The following CDC42EP2 variants were observed in gnomAD, a reference collection of about 807,000 sequenced individuals.
The protein encoded by CDC42EP2 is CDC42 effector protein (Rho GTPase binding) 2.
Under a neutral mutation model 7.3 loss-of-function variants are expected in CDC42EP2, and 5 were observed. The ratio of observed to expected loss-of-function variants is 0.68; its 90% confidence interval spans 0.36 to 1.44. The LOEUF is 1.44. CDC42EP2 is among the 40% of genes most tolerant of loss of function. CDC42EP2 has a pLI of 0.04. For missense variants in CDC42EP2, 251 were observed against 282.6 expected (o/e 0.89, Z 0.80); for synonymous variants, 113 against 123.6 (o/e 0.91, Z 0.57).
In CDC42EP2 at chr11:65,321,450, C is replaced by T. The variant is rs1489153265; in HGVS notation, c.552C>T (p.His184=). Residue 184 remains histidine, a synonymous_variant, in exon 2 of 2, where the codon CAC becomes CAT. Transcript: ENST00000279249. The surrounding 1 kb of genome is among the most constrained non-coding windows in gnomAD (Gnocchi z 4.4). ...ATGCCAGCTCCCTGCTGTCCCTGCA[C>T]GTGGACCTGGGGCCTTCCATCCTGG... The part of the protein sequence containing the change: ...LSNASSLLSL[H]VDLGPSILDD... 3.1e-6 allele frequency: 5 copies of T among 1,613,710 alleles called. No individual in the cohort carries two copies. The highest frequency in any genetic ancestry group is 2.2e-5 in the South Asian group (2 of 91,090).
rs954742207 is a variant in CDC42EP2 at position 65,315,927 on chromosome 11, C to G, written c.-356+973C>G. ...GCACTGGCCCCGGAGAATCGAAGTG[C>G]TTGAGGAAGGAAGGCCTTGTAGATA... is the stretch of plus-strand genomic sequence containing the variant. On this transcript the variant is annotated intron_variant, in intron 1 of 1. Transcript: ENST00000279249. This position sits in a 1 kb window ranked among gnomAD's most constrained non-coding sequence, Gnocchi z 4.1. Among the ~76,000 whole-genome samples the G allele has an allele frequency of 1.3e-5, 2 of 152,210 alleles. No homozygotes were observed. Among genetic ancestry groups the G allele is most frequent in the African/African-American group, 4.8e-5 (2 of 41,452 alleles).
Position 65,320,799 on chromosome 11 carries a change from C to G in CDC42EP2, c.-100C>G. On this transcript the variant is annotated 5_prime_UTR_variant, in exon 2 of 2. Coordinates refer to ENST00000279249, the MANE Select transcript of CDC42EP2 (RefSeq NM_006779.4). The stretch of plus-strand genomic sequence containing the variant: ...GCGAGCTCTGGCACCTGCAAACCAC[C>G]CCGTGGAACGAGTGTTTCCTCTGGC... 7.5e-7 allele frequency: 1 copy of G among 1,333,252 alleles called. No individual in the cohort carries two copies. The allele number at this position is 1,333,252 out of a possible 1,614,324, so 82.6% of individuals were successfully genotyped here.
In CDC42EP2 at chr11:65,320,840, A is replaced by G; in HGVS notation, c.-59A>G. ...TTCCTCTGGCTGAGGGTTGGAGAGGAGGTGTGGTCTCAGCAGGCGGCCCGT... is the reference window on the plus strand; with the variant it reads ...TTCCTCTGGCTGAGGGTTGGAGAGGGGGTGTGGTCTCAGCAGGCGGCCCGT... On this transcript the variant is annotated 5_prime_UTR_variant, in exon 2 of 2. Transcript: ENST00000279249. 1.3e-6 allele frequency: 2 copies of G among 1,523,364 alleles called. No homozygotes were observed. Among genetic ancestry groups the G allele is most frequent in the East Asian group, 2.3e-5 (1 of 43,726 alleles). The allele number at this position is 1,523,364 out of a possible 1,614,324, so 94.4% of individuals were successfully genotyped here. A position where few individuals can be genotyped will look rare whatever the true frequency, so the allele number is the denominator to read the frequency against.
chr11:65,320,924 T>C lies in CDC42EP2; in HGVS notation c.26T>C (p.Leu9Pro). MSTKVPIY[L>P]KRGSRKGKKE... ...ATGTCCACCAAGGTGCCCATCTATC[T>C]GAAGCGTGGCAGTCGCAAGGGCAAG... The change falls in exon 2 of 2, where the codon CTG becomes CCG. Residue 9 changes from leucine to proline, a missense_variant. Leu to Pro is a moderately conservative substitution (Grantham distance 98, BLOSUM62 -3). Coordinates refer to ENST00000279249, the MANE Select transcript of CDC42EP2 (RefSeq NM_006779.4). The C allele has an allele frequency of 6.2e-7, 1 of 1,607,904 alleles. No homozygotes were observed. The highest frequency in any genetic ancestry group is 8.5e-7 in the Non-Finnish European group (1 of 1,175,170).
chr11:65,321,162 C>A lies in CDC42EP2; in HGVS notation c.264C>A (p.Thr88=). 1 of 1,614,132 alleles carries A rather than the reference C, an allele frequency of 6.2e-7. No homozygotes were observed. The highest frequency in any genetic ancestry group is 8.5e-7 in the Non-Finnish European group (1 of 1,179,986). Residue 88 remains threonine, a synonymous_variant, in exon 2 of 2, where the codon ACC becomes ACA. Transcript: ENST00000279249. The surrounding 1 kb of genome is among the most constrained non-coding windows in gnomAD (Gnocchi z 4.4). Reference sequence around the variant, plus strand: ...ACCTCCCCTTCCAGTTCACCCGCACCGCCACCGTGTGTGGGCGGGAGCTCC... The same window carrying A: ...ACCTCCCCTTCCAGTTCACCCGCACAGCCACCGTGTGTGGGCGGGAGCTCC... ...TFDLPFQFTR[T]ATVCGRELPD...
chr11:65,321,348 C>T lies in CDC42EP2; in HGVS notation c.450C>T (p.Ile150=), dbSNP rs371387646. 1 of 1,613,954 alleles carries T rather than the reference C, an allele frequency of 6.2e-7. No individual in the cohort carries two copies. The highest frequency in any genetic ancestry group is 1.1e-5 in the South Asian group (1 of 91,086). ...CACAGGAGGGAGGGAGTGTGGACAT[C>T]TGGAGGATTCCAGAGACTGGCTCCC... ...PSPQEGGSVD[I]WRIPETGSPN... The change falls in exon 2 of 2, where the codon ATC becomes ATT. Residue 150 remains isoleucine (I), a synonymous_variant. Transcript: ENST00000279249. The surrounding 1 kb of genome is among the most constrained non-coding windows in gnomAD (Gnocchi z 4.4).
Position 65,321,705 on chromosome 11 carries a change from C to A in CDC42EP2, c.*174C>A. 1 of 644,528 alleles carries A rather than the reference C, an allele frequency of 1.6e-6. No homozygotes were observed. The highest frequency in any genetic ancestry group is 3.0e-5 in the Admixed American group (1 of 33,794). 39.9% of individuals were successfully genotyped at this position (644,528 alleles called of 1,614,324 possible). ...TCCCTCCCTCTCCACGTGGGCAGGG[C>A]AGGCCCCATCGCTTTCCTCTGATAA... On this transcript the variant is annotated 3_prime_UTR_variant, in exon 2 of 2. Transcript: ENST00000279249. The surrounding 1 kb of genome is among the most constrained non-coding windows in gnomAD (Gnocchi z 4.4).
intron 1 of CDC42EP2, among the ~76,000 whole-genome samples, chr11:65,316,760 G>A (rs561450666): frequency 2.0e-5 from 3 of 152,322 alleles, no homozygotes; most frequent in South Asian, 2.1e-4. Context: ...TTCCTGGGGC[G>A]TGAGGGTTGT....
chr11:65,319,613 T>C (rs537781678), intron 1 of CDC42EP2, among the ~76,000 whole-genome samples: 1 of 152,186 alleles, frequency 6.6e-6, no homozygotes, highest in South Asian at 2.1e-4. Flanking sequence ...CCAGAAAGTA[T>C]CCTAGACTCA....
Position 65,315,385 on chromosome 11 carries a change from C to T in CDC42EP2, c.-356+431C>T, listed in dbSNP as rs962026826. On this transcript the variant is annotated intron_variant, in intron 1 of 1. Transcript: ENST00000279249. The surrounding 1 kb of genome is among the most constrained non-coding windows in gnomAD (Gnocchi z 4.1). ...CGCCCGGGTAGGAGTGGGGAGGGGT[C>T]GGCGCAGGAACCCGAGCCGGAGCTA... Among the ~76,000 whole-genome samples the T allele has an allele frequency of 2.6e-5, 4 of 152,116 alleles. No individual in the cohort carries two copies. Among genetic ancestry groups the T allele is most frequent in the Non-Finnish European group, 5.9e-5 (4 of 67,988 alleles).
Position 65,315,530 on chromosome 11 carries a change from T to C in CDC42EP2, c.-356+576T>C, listed in dbSNP as rs538658996. ...CAGGGGGGAGGCTCCTCCCAGAGCT[T>C]GGAGACTAGGGCAGGGTCCCCAATC... On this transcript the variant is annotated intron_variant, in intron 1 of 1. Coordinates refer to ENST00000279249, the MANE Select transcript of CDC42EP2 (RefSeq NM_006779.4). The surrounding 1 kb of genome is among the most constrained non-coding windows in gnomAD (Gnocchi z 4.1). Among the ~76,000 whole-genome samples, 1 of 152,310 alleles carries C rather than the reference T, an allele frequency of 6.6e-6. No homozygotes were observed. The highest frequency in any genetic ancestry group is 1.9e-4 in the East Asian group (1 of 5,182).
chr11:65,321,649 G>C lies in CDC42EP2; in HGVS notation c.*118G>C. ...ATCCCACCTGTATGGTCGCTGGCCAGTGATTCTCCTTCTGAGCCGTGTTTC... is the reference window on the plus strand; with the variant it reads ...ATCCCACCTGTATGGTCGCTGGCCACTGATTCTCCTTCTGAGCCGTGTTTC... On this transcript the variant is annotated 3_prime_UTR_variant, in exon 2 of 2. Transcript: ENST00000279249. The surrounding 1 kb of genome is among the most constrained non-coding windows in gnomAD (Gnocchi z 4.4). 1.1e-6 allele frequency: 1 copy of C among 939,148 alleles called. No individual in the cohort carries two copies. Among genetic ancestry groups the C allele is most frequent in the Non-Finnish European group, 1.6e-6 (1 of 617,194 alleles). The allele number at this position is 939,148 out of a possible 1,614,324, so 58.2% of individuals were successfully genotyped here. A position where few individuals can be genotyped will look rare whatever the true frequency, so the allele number is the denominator to read the frequency against.
chr11:65,321,469 A>G lies in CDC42EP2; in HGVS notation c.571A>G (p.Ile191Val). ...LSLHVDLGPS[I>V]LDDVLQIMDQ... ...CCTGCACGTGGACCTGGGGCCTTCC[A>G]TCCTGGATGATGTCCTGCAGATCAT... Residue 191 changes from isoleucine (I) to valine (V), a missense_variant, in exon 2 of 2, where the codon ATC becomes GTC. Ile to Val is a conservative substitution (Grantham distance 29). Transcript: ENST00000279249. The surrounding 1 kb of genome is among the most constrained non-coding windows in gnomAD (Gnocchi z 4.4). 6.2e-7 allele frequency: 1 copy of G among 1,613,724 alleles called. No individual in the cohort carries two copies. Among genetic ancestry groups the G allele is most frequent in the Non-Finnish European group, 8.5e-7 (1 of 1,179,988 alleles).
chr11:65,321,102 C>T lies in CDC42EP2; in HGVS notation c.204C>T (p.Thr68=). ...GCAAGTTCCACCTCCTGCCGGGGAC[C>T]ATGGTGGAGGGGCCTGAAGAAGATG... ...LQGKFHLLPG[T]MVEGPEEDGT... Residue 68 remains threonine, a synonymous_variant, in exon 2 of 2, where the codon ACC becomes ACT. Transcript: ENST00000279249. The surrounding 1 kb of genome is among the most constrained non-coding windows in gnomAD (Gnocchi z 4.4). 2 of 1,614,156 alleles carry T rather than the reference C, an allele frequency of 1.2e-6. No homozygotes were observed. Among genetic ancestry groups the T allele is most frequent in the Non-Finnish European group, 1.7e-6 (2 of 1,180,006 alleles).
Position 65,320,997 on chromosome 11 carries a change from G to T in CDC42EP2, c.99G>T (p.Pro33=). ...TGTCCTCGGACATGATCAGCCCACCGCTGGGGGACTTCCGCCACACCATTC... is the reference window on the plus strand; with the variant it reads ...TGTCCTCGGACATGATCAGCCCACCTCTGGGGGACTTCCGCCACACCATTC... ...DLLSSDMISP[P]LGDFRHTIHI... is the part of the protein sequence containing the mutation. Residue 33 remains proline (P), a synonymous_variant, in exon 2 of 2, where the codon CCG becomes CCT. Transcript: ENST00000279249. 6.2e-7 allele frequency: 1 copy of T among 1,614,080 alleles called. No individual in the cohort carries two copies. The highest frequency in any genetic ancestry group is 8.5e-7 in the Non-Finnish European group (1 of 1,180,036).
chr11:65,318,223 G>A (rs1299603190), intron 1 of CDC42EP2, among the ~76,000 whole-genome samples: 1 of 151,424 alleles, frequency 6.6e-6, no homozygotes, highest in Non-Finnish European at 1.5e-5. Context: ...AGCCTCCTGA[G>A]TAGTTGGTAT....
At position 65,315,293 on chromosome 11, in the gene CDC42EP2, G is replaced by A. The variant is rs1447304823; in HGVS notation, c.-356+339G>A. ...GGGGGCCGTATTTTTAGCCGATAGT[G>A]AGTTGTTCTCCTATCTTTAGCTGCG... On this transcript the variant is annotated intron_variant, in intron 1 of 1. Coordinates refer to ENST00000279249, the MANE Select transcript of CDC42EP2 (RefSeq NM_006779.4). This position sits in a 1 kb window ranked among gnomAD's most constrained non-coding sequence, Gnocchi z 4.1. 6.6e-6 allele frequency among the ~76,000 whole-genome samples: 1 copy of A among 152,224 alleles called. No individual in the cohort carries two copies. The highest frequency in any genetic ancestry group is 1.5e-5 in the Non-Finnish European group (1 of 68,036).
In CDC42EP2 at chr11:65,321,481, G is replaced by A; in HGVS notation, c.583G>A (p.Val195Ile). 6.2e-7 allele frequency: 1 copy of A among 1,613,746 alleles called. No individual in the cohort carries two copies. Among genetic ancestry groups the A allele is most frequent in the South Asian group, 1.1e-5 (1 of 91,088 alleles). ...VDLGPSILDDVLQIMDQDLDS... is the reference protein window; with the variant it reads ...VDLGPSILDDILQIMDQDLDS... The stretch of plus-strand genomic sequence containing the variant: ...CCTGGGGCCTTCCATCCTGGATGAT[G>A]TCCTGCAGATCATGGATCAGGACCT... Residue 195 changes from valine to isoleucine, a missense_variant, in exon 2 of 2, where the codon GTC becomes ATC. Transcript: ENST00000279249. The surrounding 1 kb of genome is among the most constrained non-coding windows in gnomAD (Gnocchi z 4.4).
At position 65,315,741 on chromosome 11, in the gene CDC42EP2, C is replaced by G. The variant is rs1242279442; in HGVS notation, c.-356+787C>G. Among the ~76,000 whole-genome samples, 2 of 152,214 alleles carry G rather than the reference C, an allele frequency of 1.3e-5. No individual in the cohort carries two copies. The highest frequency in any genetic ancestry group is 2.4e-5 in the African/African-American group (1 of 41,448). On this transcript the variant is annotated intron_variant, in intron 1 of 1. Transcript: ENST00000279249. The surrounding 1 kb of genome is among the most constrained non-coding windows in gnomAD (Gnocchi z 4.1). ...GACACGAGGCGATCAAGGGAGCACG[C>G]GCGCCACCTGGCGGCCGCGGAGCCG...
Sources: allele counts gnomAD v4.1 joint callset (sites outside exome capture counted in the v4.1 genomes callset), GRCh38; gene constraint gnomAD v4.1.1; non-coding constraint Gnocchi (gnomAD v3.1); transcripts MANE v1.5; gene names NCBI Gene and HGNC (gene_info 2026-07-23, HGNC 2026-07-21).